Variants in NCKAP5L observed in about 807,000 individuals in gnomAD.
The protein encoded by NCKAP5L is nck-associated protein 5-like.
Under a neutral mutation model 103.2 loss-of-function variants are expected in NCKAP5L, and 54 were observed. The ratio of observed to expected loss-of-function variants is 0.52; its 90% CI spans 0.42 to 0.66. The LOEUF (loss-of-function observed/expected upper bound fraction) is 0.66. NCKAP5L is among the 30% of genes least tolerant of loss of function. The probability of loss-of-function intolerance (pLI) is 0.00; values close to 1 mark genes in which losing one functional copy is unlikely to be tolerated. For synonymous variants in NCKAP5L, 762 were observed against 748.6 expected (o/e 1.02, Z -0.29); for missense variants, 1,733 against 1,750.6 (o/e 0.99, Z 0.18).
In NCKAP5L at chr12:49,794,791, G is replaced by C. The variant is rs200618842; in HGVS notation, c.3069C>G (p.Asp1023Glu). 2 of 1,540,482 alleles carry C rather than the reference G, an allele frequency of 1.3e-6. No individual in the cohort carries two copies. The highest frequency in any genetic ancestry group is 1.8e-6 in the Non-Finnish European group (2 of 1,142,814). ...GQLAGMYQGA[D>E]TFMQQLLNRV... ...TGTTTAGCAGCTGCTGCATGAAGGT[G>C]TCTGCACCTTGGTACATGCCAGCCA... Residue 1023 changes from aspartate (D) to glutamate (E), a missense_variant, in exon 8 of 13, where the codon GAC becomes GAG. Physicochemically the swap from Asp to Glu is conservative, Grantham distance 45. Coordinates refer to ENST00000335999, the MANE Select transcript of NCKAP5L (RefSeq NM_001037806.4).
At position 49,796,996 on chromosome 12, in the gene NCKAP5L, A is replaced by G; in HGVS notation, c.864T>C (p.Ser288=). 6.3e-7 allele frequency: 1 copy of G among 1,591,342 alleles called. No individual in the cohort carries two copies. The highest frequency in any genetic ancestry group is 8.6e-7 in the Non-Finnish European group (1 of 1,169,540). ...TGCTGCCTGGGGCACAGTTTGGGCC[A>G]GAGCTGGTGCCCTGGGCCTGAGGAG... is the stretch of plus-strand genomic sequence containing the variant. ...RGPPQAQGTS[S]GPNCAPGSSS... Residue 288 remains serine, a synonymous_variant, in exon 8 of 13, where the codon TCT becomes TCC. Coordinates refer to ENST00000335999, the MANE Select transcript of NCKAP5L (RefSeq NM_001037806.4).
Position 49,796,968 on chromosome 12 carries a change from A to T in NCKAP5L, c.892T>A (p.Ser298Thr). The T allele has an allele frequency of 6.2e-7, 1 of 1,601,944 alleles. No individual in the cohort carries two copies. Among genetic ancestry groups the T allele is most frequent in the Non-Finnish European group, 8.5e-7 (1 of 1,174,894 alleles). The part of the protein sequence containing the change: ...SGPNCAPGSS[S>T]SSSSDEAGDP... ...CCTGCCTCATCAGAAGAGGAGGAGG[A>T]GCTGCTGCCTGGGGCACAGTTTGGG... The change falls in exon 8 of 13, where the codon TCC becomes ACC. Residue 298 changes from serine (S) to threonine (T), a missense_variant. By Grantham distance (58) the Ser-to-Thr change is moderately conservative (BLOSUM62 1). Transcript: ENST00000335999.
At chr12:49,826,870 C>T (rs1435584073) in intron 1 of NCKAP5L, among the ~76,000 whole-genome samples, 1 of 152,168 alleles carries the variant, frequency 6.6e-6, no homozygotes, top group African/African-American at 2.4e-5. Flanking sequence ...TCACTCTCTT[C>T]GTGAGGGCCA....
In NCKAP5L at chr12:49,798,041, T is replaced by C. The variant is rs146767608; in HGVS notation, c.465+309A>G. ...GTTATTTGAGCTCTAAGCTGCTTCA[T>C]TGTGTCATCTGTAAAATGGGATGAT... On this transcript the variant is annotated intron_variant, in intron 7 of 12. Transcript: ENST00000335999. Among the ~76,000 whole-genome samples, 53 of 152,338 alleles carry C rather than the reference T, an allele frequency of 3.5e-4. 1 individual carries two copies. The highest frequency in any genetic ancestry group is 6.8e-3 in the Middle Eastern group (2 of 294).
Position 49,795,273 on chromosome 12 carries a change from G to T in NCKAP5L, c.2587C>A (p.Leu863Ile), listed in dbSNP as rs1946016308. 1.3e-6 allele frequency: 2 copies of T among 1,540,258 alleles called. No individual in the cohort carries two copies. The highest frequency in any genetic ancestry group is 2.1e-5 in the Admixed American group (1 of 48,468). The part of the protein sequence containing the change: ...CGSTTAQSTP[L>I]VPGPTDPSQG... Reference sequence around the variant, plus strand: ...CTTGGGTCAGTGGGGCCAGGTACTAGGGGTGTGGACTGGGCCGTGGTACTA... The same window carrying T: ...CTTGGGTCAGTGGGGCCAGGTACTATGGGTGTGGACTGGGCCGTGGTACTA... The change falls in exon 8 of 13, where the codon CTA becomes ATA. Residue 863 changes from leucine to isoleucine, a missense_variant. Transcript: ENST00000335999.
intron 8 of NCKAP5L, 123 bp from the exon 9 acceptor site, chr12:49,794,019 G>T: frequency 1.1e-6 from 1 of 921,588 alleles, no homozygotes; most frequent in Non-Finnish European, 1.5e-6. Flanking sequence ...CGGGGAAGGG[G>T]ACATGTCGCT....
intron 1 of NCKAP5L, among the ~76,000 whole-genome samples, chr12:49,812,352 G>A (rs1034509855): frequency 1.3e-5 from 2 of 151,140 alleles, no homozygotes; most frequent in Admixed American, 6.6e-5. Flanking sequence ...GTTGTTGCAC[G>A]TATCAGTAGT....
At chr12:49,825,655 C>T (rs1453826099) in intron 1 of NCKAP5L, among the ~76,000 whole-genome samples, 3 of 152,170 alleles carry the variant, frequency 2.0e-5, no homozygotes, top group Admixed American at 6.5e-5. Context: ...TCCATTCCAA[C>T]GGCTCACAGC....
rs965331444 is a variant in NCKAP5L, at chr12:49,792,206, G to A, written c.3793-155C>T. 9.6e-7 allele frequency: 1 copy of A among 1,043,446 alleles called. No individual in the cohort carries two copies. Among genetic ancestry groups the A allele is most frequent in the Non-Finnish European group, 1.4e-6 (1 of 706,480 alleles). 64.6% of individuals were successfully genotyped at this position (1,043,446 alleles called of 1,614,324 possible). A position where few individuals can be genotyped will look rare whatever the true frequency, so the allele number is the denominator to read the frequency against. On this transcript the variant is annotated intron_variant, in intron 12 of 12. Transcript: ENST00000335999. The surrounding 1 kb of genome is among the most constrained non-coding windows in gnomAD (Gnocchi z 4.5). ...ATACTTCAGAGGAAACAGGCTGGAG[G>A]TACAACTGAGAACAGTCCTACAAGG...
intron 1 of NCKAP5L, among the ~76,000 whole-genome samples, chr12:49,815,421 G>T (rs1040695119): frequency 1.3e-5 from 2 of 152,116 alleles, no homozygotes; most frequent in African/African-American, 4.8e-5. Context: ...TAATCTTTGG[G>T]TTATAATCCA....
intron 10 of NCKAP5L, 113 bp downstream of exon 10, chr12:49,793,239 C>G: frequency 8.8e-7 from 1 of 1,135,614 alleles, no homozygotes; most frequent in Non-Finnish European, 1.3e-6. Context: ...GTGCTTGGCA[C>G]CAAGATGGCA....
chr12:49,797,356 G>T lies in NCKAP5L; in HGVS notation c.504C>A (p.Gly168=), dbSNP rs762830156. ...GCGCTGGGGGTGGGGCGGCTGGGGG[G>T]CCTGGGCCTCCTGGCCTCAGCTGCT... ...WEQQLRPGGP[G]PPAAPPPALD... is the part of the protein sequence containing the mutation. The change falls in exon 8 of 13, where the codon GGC becomes GGA. Residue 168 remains glycine, a synonymous_variant. Coordinates refer to ENST00000335999, the MANE Select transcript of NCKAP5L (RefSeq NM_001037806.4). The surrounding 1 kb of genome is among the most constrained non-coding windows in gnomAD (Gnocchi z 4.5). 10 of 1,610,494 alleles carry T rather than the reference G, an allele frequency of 6.2e-6. No homozygotes were observed. Among genetic ancestry groups the T allele is most frequent in the South Asian group, 1.1e-5 (1 of 90,812 alleles).
At chr12:49,812,750 G>A (rs1946254746) in intron 1 of NCKAP5L, among the ~76,000 whole-genome samples, 1 of 152,172 alleles carries the variant, frequency 6.6e-6, no homozygotes, top group South Asian at 2.1e-4. Context: ...CCATTCTACT[G>A]ATGAACATTT....
intron 1 of NCKAP5L, among the ~76,000 whole-genome samples, chr12:49,811,272 G>A (rs905975358): frequency 6.6e-6 from 1 of 152,150 alleles, no homozygotes. Flanking sequence ...GTCCAGCCTG[G>A]CAATCCTGCC....
At position 49,794,873 on chromosome 12, in the gene NCKAP5L, C is replaced by T. The variant is rs750671118; in HGVS notation, c.2987G>A (p.Arg996Gln). 1.5e-5 allele frequency: 22 copies of T among 1,501,184 alleles called. No homozygotes were observed. Among genetic ancestry groups the T allele is most frequent in the East Asian group, 4.8e-5 (2 of 41,334 alleles). The allele number at this position is 1,501,184 out of a possible 1,614,324, so 93.0% of individuals were successfully genotyped here. A position where few individuals can be genotyped will look rare whatever the true frequency, so the allele number is the denominator to read the frequency against. Residue 996 changes from arginine (R) to glutamine (Q), a missense_variant, in exon 8 of 13, where the codon CGG (arginine) becomes CAG (glutamine). Physicochemically the swap from Arg to Gln is conservative, Grantham distance 43 (BLOSUM62 1). Coordinates refer to ENST00000335999, the MANE Select transcript of NCKAP5L (RefSeq NM_001037806.4). ...KAYLSSRARPRPGGPAPGPNT... is the reference protein window; with the variant it reads ...KAYLSSRARPQPGGPAPGPNT... The stretch of plus-strand genomic sequence containing the variant: ...GGGCCCTGGGGCTGGGCCACCAGGC[C>T]GTGGCCGGGCCCGGCTGCTTAGGTA...
intron 1 of NCKAP5L, among the ~76,000 whole-genome samples, chr12:49,817,435 C>T (rs1164448592): frequency 6.6e-6 from 1 of 152,142 alleles, no homozygotes. Context: ...GAACCTACCC[C>T]TGAGAATCCA....
At chr12:49,804,979 C>A (rs1170935158) in intron 2 of NCKAP5L, 1 of 152,332 alleles carries the variant, frequency 6.6e-6, no homozygotes, top group African/African-American at 2.4e-5. Context: ...GTGCCCTGCA[C>A]CCCTCCGGGG....
At chr12:49,801,607 A>G (rs1077498) in intron 6 of NCKAP5L, among the ~76,000 whole-genome samples, 78,780 of 151,908 alleles carry the variant, frequency 0.52, 21,956 homozygotes, top group African/African-American at 0.7. Flanking sequence ...CTCCCCACCC[A>G]AGGCAGGAGC....
chr12:49,811,920 ACC>A (rs1946244334), intron 1 of NCKAP5L, among the ~76,000 whole-genome samples: 1 of 152,140 alleles, frequency 6.6e-6, no homozygotes, highest in Non-Finnish European at 1.5e-5. Flanking sequence ...TGTTCCCTTA[ACC>A]TGGTCCGACT....
Sources: gnomAD v4.1 joint callset for allele counts (sites outside exome capture counted in the v4.1 genomes callset) on GRCh38, gnomAD v4.1.1 for gene constraint, Gnocchi (gnomAD v3.1) non-coding constraint, MANE v1.5 for transcripts, NCBI Gene and HGNC (gene_info 2026-07-23, HGNC 2026-07-21) for gene names.